The following APBB1IP variants were observed in gnomAD, a reference collection of about 807,000 sequenced individuals.
The protein encoded by APBB1IP is amyloid beta precursor protein binding family B member 1 interacting protein, also known as amyloid beta A4 precursor protein-binding family B member 1-interacting protein.
In APBB1IP, 27 loss-of-function variants were observed where a neutral mutation model predicts 64.9. That is an observed-to-expected ratio of 0.42 (90% confidence interval 0.31 to 0.57). The LOEUF (loss-of-function observed/expected upper bound fraction) is 0.57, where lower values mean the gene tolerates loss of function less well. Among genes scored for constraint, APBB1IP ranks in the 20% least tolerant of loss-of-function variants. APBB1IP has a pLI of 0.20. For synonymous variants in APBB1IP, 392 were observed against 331.0 expected (o/e 1.18, Z -2.00); for missense variants, 812 against 845.5 (o/e 0.96, Z 0.49).
intron 10 of APBB1IP, among the ~76,000 whole-genome samples, chr10:26,536,920 A>C (rs1387275478): frequency 6.6e-6 from 1 of 151,580 alleles, no homozygotes; most frequent in Admixed American, 6.6e-5. Context: ...TCTTGACTAG[A>C]TTTTCCTTGA....
chr10:26,476,393 G>A (rs1835775580), intron 2 of APBB1IP, among the ~76,000 whole-genome samples: 1 of 131,108 alleles, frequency 7.6e-6, no homozygotes, highest in African/African-American at 3.0e-5. Flanking sequence ...GCTGCAGTGA[G>A]CTCTGATTGC....
chr10:26,563,971 CAG>C (rs1207287913), intron 14 of APBB1IP, among the ~76,000 whole-genome samples: 79 of 151,506 alleles, frequency 5.2e-4, no homozygotes, highest in African/African-American at 1.9e-3. Context: ...AAAAGAATCT[CAG>C]AATAGAAATC....
Position 26,562,331 on chromosome 10 carries a change from A to G in APBB1IP, c.1375A>G (p.Lys459Glu), listed in dbSNP as rs1564379762. The G allele has an allele frequency of 6.2e-7, 1 of 1,613,110 alleles. No homozygotes were observed. The highest frequency in any genetic ancestry group is 2.2e-5 in the East Asian group (1 of 44,860). Residue 459 changes from lysine (K) to glutamate (E), a missense_variant, in exon 14 of 15, where the codon AAA (lysine) becomes GAA (glutamate). Coordinates refer to ENST00000376236, the MANE Select transcript of APBB1IP (RefSeq NM_019043.4). ...AAPAQPSTGP[K>E]TGTTQPNGQI... ...TCTCACTTCTTCCCTCTCAGGACCT[A>G]AAACAGGCACCACCCAGCCCAATGG...
intron 2 of APBB1IP, among the ~76,000 whole-genome samples, chr10:26,469,801 T>G (rs966341667): frequency 6.6e-6 from 1 of 152,206 alleles, no homozygotes. Context: ...AAGTCTATTG[T>G]TCCCATCTCT....
At position 26,541,531 on chromosome 10, in the gene APBB1IP, A is replaced by T. The variant is rs1480898342; in HGVS notation, c.1045-51A>T. On this transcript the variant is annotated intron_variant, in intron 10 of 14. Coordinates refer to ENST00000376236, the MANE Select transcript of APBB1IP (RefSeq NM_019043.4). ...GTGCTATGAAGGACAACTCTGGAAAATTGTTAACTGTCATCTCAGTTGAAG... is the reference window on the plus strand; with the variant it reads ...GTGCTATGAAGGACAACTCTGGAAATTTGTTAACTGTCATCTCAGTTGAAG... 1.1e-5 allele frequency: 14 copies of T among 1,243,454 alleles called. No homozygotes were observed. The Admixed American group carries it at 2.2e-4, about 19-fold the overall frequency. The allele number at this position is 1,243,454 out of a possible 1,614,324, so 77.0% of individuals were successfully genotyped here. A position where few individuals can be genotyped will look rare whatever the true frequency, so the allele number is the denominator to read the frequency against.
At chr10:26,462,584 A>G (rs902112491) in intron 2 of APBB1IP, among the ~76,000 whole-genome samples, 2 of 152,148 alleles carry the variant, frequency 1.3e-5, no homozygotes, top group African/African-American at 4.8e-5. Flanking sequence ...ATACTTGGTT[A>G]TTATGTACTA....
chr10:26,504,819 A>G (rs1370788886), intron 6 of APBB1IP, among the ~76,000 whole-genome samples: 1 of 152,162 alleles, frequency 6.6e-6, no homozygotes, highest in East Asian at 1.9e-4. Flanking sequence ...ACCCAGGCTG[A>G]TCATGGCTCA....
intron 2 of APBB1IP, among the ~76,000 whole-genome samples, chr10:26,451,338 C>T (rs1835463613): frequency 6.6e-6 from 1 of 152,164 alleles, no homozygotes; most frequent in East Asian, 1.9e-4. Context: ...ATCCTCTCGC[C>T]TCAGCTTCCC....
rs145872639 is a variant in APBB1IP, at chr10:26,517,239, ACT to A, written c.813+3582_813+3583del. On this transcript the variant is annotated intron_variant, in intron 8 of 14. Transcript: ENST00000376236. ...ACTAGTGCACATATCATAATGGTAC[ACT>A]CTGAATTTTTACAAAGTGAACCAAC... Among the ~76,000 whole-genome samples the A allele has an allele frequency of 5.5e-3, 830 of 152,214 alleles. 6 individuals carry two copies. Among genetic ancestry groups the A allele is most frequent in the African/African-American group, 0.019 (787 of 41,516 alleles).
intron 2 of APBB1IP, among the ~76,000 whole-genome samples, chr10:26,487,900 C>T (rs1283971226): frequency 6.6e-6 from 1 of 152,102 alleles, no homozygotes; most frequent in East Asian, 1.9e-4. Context: ...TATTGTAATG[C>T]TAGTTGGCAG....
chr10:26,533,670 A>G, intron 9 of APBB1IP, 145 bp downstream of exon 9: 1 of 482,448 alleles, frequency 2.1e-6, no homozygotes, highest in Non-Finnish European at 3.7e-6. Flanking sequence ...TTTCTAAATT[A>G]TAGCTATTTA....
chr10:26,507,300 T>C (rs1836194253), intron 6 of APBB1IP, among the ~76,000 whole-genome samples: 1 of 152,156 alleles, frequency 6.6e-6, no homozygotes, highest in Non-Finnish European at 1.5e-5. Context: ...AAGACCAGCC[T>C]GGGCAACATA....
intron 3 of APBB1IP, among the ~76,000 whole-genome samples, chr10:26,495,581 C>A (rs1836010636): frequency 6.7e-6 from 1 of 149,008 alleles, no homozygotes; most frequent in African/African-American, 2.5e-5. Context: ...CCAGCCTGGG[C>A]AGCATAGTAA....
At chr10:26,470,951 C>T (rs1046376469) in intron 2 of APBB1IP, among the ~76,000 whole-genome samples, 2 of 152,166 alleles carry the variant, frequency 1.3e-5, no homozygotes, top group Admixed American at 6.6e-5. Context: ...GTTCCAATGG[C>T]TTCATGATAG....
At chr10:26,489,040 C>T (rs1835925452) in intron 2 of APBB1IP, among the ~76,000 whole-genome samples, 1 of 152,230 alleles carries the variant, frequency 6.6e-6, no homozygotes, top group African/African-American at 2.4e-5. Context: ...CTCAATGCCT[C>T]CTGGCCAACA....
chr10:26,560,993 A>AGCCC (rs1836961272), intron 13 of APBB1IP, 149 bp downstream of exon 13: 2 of 428,080 alleles, frequency 4.7e-6, no homozygotes. Flanking sequence ...TCCCCGACTC[A>AGCCC]GCCCAGCCCT....
At chr10:26,478,011 A>G (rs702992) in intron 2 of APBB1IP, among the ~76,000 whole-genome samples, 9,149 of 152,262 alleles carry the variant, frequency 0.06, 903 homozygotes, top group African/African-American at 0.21. Flanking sequence ...ACATTATTCT[A>G]TTTACTGAGA....
intron 11 of APBB1IP, among the ~76,000 whole-genome samples, chr10:26,555,677 G>A (rs113025673): frequency 1.3e-5 from 2 of 152,062 alleles, no homozygotes; most frequent in Non-Finnish European, 2.9e-5. Flanking sequence ...ATGGCTCACC[G>A]CAGCCTCGAA....
rs1837076439 is a variant in APBB1IP, at chr10:26,567,745, G to C, written c.*257G>C. 11 of 713,294 alleles carry C rather than the reference G, an allele frequency of 1.5e-5. No individual in the cohort carries two copies. Among genetic ancestry groups the C allele is most frequent in the Non-Finnish European group, 1.9e-5 (10 of 524,772 alleles). The allele number at this position is 713,294 out of a possible 1,614,324, so 44.2% of individuals were successfully genotyped here. A position where few individuals can be genotyped will look rare whatever the true frequency, so the allele number is the denominator to read the frequency against. On this transcript the variant is annotated 3_prime_UTR_variant, in exon 15 of 15. Coordinates refer to ENST00000376236, the MANE Select transcript of APBB1IP (RefSeq NM_019043.4). The stretch of plus-strand genomic sequence containing the variant: ...CCAAGCTGCCTAAAGCGCTGTTTTA[G>C]GTTCATTTATTTTATTATGTTCAGA...
Sources: allele counts gnomAD v4.1 joint callset (sites outside exome capture counted in the v4.1 genomes callset), GRCh38; gene constraint gnomAD v4.1.1; transcripts MANE v1.5; gene names NCBI Gene and HGNC (gene_info 2026-07-23, HGNC 2026-07-21).